The following ANGPT1 variants were observed in gnomAD, a reference collection of about 807,000 sequenced individuals.
ANGPT1 encodes angiopoietin 1.
A neutral mutation model predicts 62.2 loss-of-function variants in ANGPT1; 17 were observed. That is an observed-to-expected ratio of 0.27 (90% confidence interval 0.19 to 0.41). ANGPT1 has a LOEUF of 0.41. Among genes scored for constraint, ANGPT1 ranks in the 10% least tolerant of loss-of-function variants. The pLI, the probability that ANGPT1 is intolerant of heterozygous loss-of-function variation, is 1.00. For missense variants in ANGPT1, 478 were observed against 594.9 expected (o/e 0.80, Z 2.04); for synonymous variants, 199 against 198.9 (o/e 1.00, Z 0.00).
chr8:107,495,265 G>T (rs539316838), intron 1 of ANGPT1, among the ~76,000 whole-genome samples: 1 of 152,114 alleles, frequency 6.6e-6, no homozygotes, highest in African/African-American at 2.4e-5. Context: ...CAATAGGGAC[G>T]TTTTCAGCAT....
intron 1 of ANGPT1, among the ~76,000 whole-genome samples, chr8:107,377,672 G>A (rs771220811): frequency 3.3e-5 from 5 of 152,142 alleles, no homozygotes; most frequent in Admixed American, 6.6e-5. Flanking sequence ...TGATGTAAGC[G>A]TTGTCTCACC....
intron 1 of ANGPT1, among the ~76,000 whole-genome samples, chr8:107,484,218 A>G (rs962004416): frequency 1.3e-5 from 2 of 152,182 alleles, no homozygotes; most frequent in Non-Finnish European, 2.9e-5. Flanking sequence ...TATGGGTTCA[A>G]ATTCTGCAAT....
intron 1 of ANGPT1, among the ~76,000 whole-genome samples, chr8:107,421,176 C>T (rs544910507): frequency 6.6e-5 from 10 of 152,124 alleles, no homozygotes; most frequent in Non-Finnish European, 1.0e-4. Context: ...CTATTTTGCA[C>T]GGAAAACTTT....
At chr8:107,430,523 T>G (rs1403892687) in intron 1 of ANGPT1, among the ~76,000 whole-genome samples, 1 of 152,130 alleles carries the variant, frequency 6.6e-6, no homozygotes, top group East Asian at 1.9e-4. Context: ...CTAAATAATG[T>G]CCCCCTTCTA....
At chr8:107,364,809 C>T in intron 1 of ANGPT1, among the ~76,000 whole-genome samples, 1 of 152,072 alleles carries the variant, frequency 6.6e-6, no homozygotes, top group East Asian at 1.9e-4. Flanking sequence ...TCCAGAAAAA[C>T]CTGTAATTAT....
At chr8:107,353,558 C>T (rs935187725) in intron 1 of ANGPT1, among the ~76,000 whole-genome samples, 23 of 152,172 alleles carry the variant, frequency 1.5e-4, no homozygotes, top group African/African-American at 5.6e-4. Flanking sequence ...TTGCTTCCTA[C>T]CATTGATACC....
chr8:107,320,095 G>C (rs926744798), intron 4 of ANGPT1, among the ~76,000 whole-genome samples: 16 of 152,098 alleles, frequency 1.1e-4, no homozygotes, highest in African/African-American at 3.9e-4. Flanking sequence ...TCATAGAACA[G>C]ACACAGTTAC....
chr8:107,419,573 T>C (rs563488333), intron 1 of ANGPT1, among the ~76,000 whole-genome samples: 2 of 152,304 alleles, frequency 1.3e-5, no homozygotes, highest in South Asian at 4.1e-4. Context: ...AGTCCCCATG[T>C]CACTTATTAA....
chr8:107,483,328 T>C (rs571289630), intron 1 of ANGPT1, among the ~76,000 whole-genome samples: 46 of 152,284 alleles, frequency 3.0e-4, no homozygotes, highest in South Asian at 1.0e-3. Flanking sequence ...AGTTTCTCTC[T>C]ATATTCAATT....
At chr8:107,332,523 T>G (rs1311424658) in intron 3 of ANGPT1, among the ~76,000 whole-genome samples, 1 of 152,212 alleles carries the variant, frequency 6.6e-6, no homozygotes, top group Non-Finnish European at 1.5e-5. Flanking sequence ...GTGAATCTCA[T>G]GAGGCCAAAA....
In ANGPT1 at chr8:107,462,434, C is replaced by T. The variant is rs557490499; in HGVS notation, c.297+34828G>A. Among the ~76,000 whole-genome samples, 8 of 151,296 alleles carry T rather than the reference C, an allele frequency of 5.3e-5. No individual in the cohort carries two copies. The East Asian group carries it at 1.6e-3, about 30-fold the overall frequency. On this transcript the variant is annotated intron_variant, in intron 1 of 8. Transcript: ENST00000517746. ...AAATAGGATCACAATGTAAAAACCA[C>T]AGATTCAAAAAGGGAGTTTTTAGAG...
At chr8:107,265,212 T>C (rs1225430141) in intron 7 of ANGPT1, among the ~76,000 whole-genome samples, 1 of 152,146 alleles carries the variant, frequency 6.6e-6, no homozygotes, top group Non-Finnish European at 1.5e-5. Flanking sequence ...ATCTGATCTT[T>C]TGTTTAAAAG....
At chr8:107,494,492 C>CGT (rs1419113070) in intron 1 of ANGPT1, 1 of 152,162 alleles carries the variant, frequency 6.6e-6, no homozygotes, top group Non-Finnish European at 1.5e-5. Flanking sequence ...CAAAATAAAA[C>CGT]TATGATGTTA....
rs79153586 is a variant in ANGPT1, at chr8:107,385,889, A to G, written c.298-38792T>C. Among the ~76,000 whole-genome samples the G allele has an allele frequency of 5.8e-3, 888 of 152,216 alleles. 9 individuals are homozygous for G. Among genetic ancestry groups the G allele is most frequent in the African/African-American group, 0.021 (858 of 41,550 alleles). On this transcript the variant is annotated intron_variant, in intron 1 of 8. Transcript: ENST00000517746. ...CTTTTCTGCATCTATTGAAATGATC[A>G]TGAGGTTTTTGTTTTCAGTTCTGTT...
chr8:107,305,732 AT>A (rs1199997721), intron 4 of ANGPT1, among the ~76,000 whole-genome samples: 1 of 152,032 alleles, frequency 6.6e-6, no homozygotes, highest in East Asian at 1.9e-4. Context: ...TTGAAATTTA[AT>A]TTGGTATGTT....
intron 1 of ANGPT1, among the ~76,000 whole-genome samples, chr8:107,467,268 T>C (rs1397031184): frequency 6.6e-6 from 1 of 151,874 alleles, no homozygotes; most frequent in South Asian, 2.1e-4. Flanking sequence ...TAGTTGTACA[T>C]AGTGGTACAA....
chr8:107,366,015 T>C (rs1415094598), intron 1 of ANGPT1, among the ~76,000 whole-genome samples: 1 of 152,188 alleles, frequency 6.6e-6, no homozygotes, highest in East Asian at 1.9e-4. Context: ...TAATTTTATT[T>C]CATTTGTACA....
intron 1 of ANGPT1, among the ~76,000 whole-genome samples, chr8:107,400,795 G>A (rs1420505369): frequency 2.0e-5 from 3 of 151,962 alleles, no homozygotes; most frequent in Admixed American, 6.6e-5. Flanking sequence ...CCTGACCTCA[G>A]GTGATCCGTC....
At chr8:107,341,948 G>A (rs1012800676) in intron 2 of ANGPT1, among the ~76,000 whole-genome samples, 1 of 152,066 alleles carries the variant, frequency 6.6e-6, no homozygotes, top group African/African-American at 2.4e-5. Context: ...GCCATGAGGT[G>A]CTCTGCTTGT....
Sources: allele counts gnomAD v4.1 joint callset (sites outside exome capture counted in the v4.1 genomes callset), GRCh38; gene constraint gnomAD v4.1.1; transcripts MANE v1.5; gene names NCBI Gene and HGNC (gene_info 2026-07-23, HGNC 2026-07-21).